Variants in NRG4 observed in about 807,000 individuals in gnomAD.
NRG4 encodes the protein neuregulin 4.
Under a neutral mutation model 15.0 loss-of-function variants are expected in NRG4, and 10 were observed. The observed-to-expected ratio is 0.67, with a 90% CI of 0.41 to 1.13. The LOEUF is 1.13. Ranked by LOEUF, NRG4 falls within the 50% of genes most tolerant of loss-of-function variation. NRG4 has a pLI of 0.00. For missense variants in NRG4, 139 were observed against 140.2 expected (o/e 0.99, Z 0.04); for synonymous variants, 41 against 50.1 (o/e 0.82, Z 0.77).
intron 3 of NRG4, among the ~76,000 whole-genome samples, chr15:75,995,197 CAAAA>C (rs781740800): frequency 1.4e-5 from 2 of 139,880 alleles, no homozygotes; most frequent in African/African-American, 5.2e-5. Context: ...GACCCTGTCT[CAAAA>C]AAAAAAAGAA....
At chr15:76,018,549 TTC>T (rs1436321147) in intron 5 of NRG4, among the ~76,000 whole-genome samples, 2 of 152,168 alleles carry the variant, frequency 1.3e-5, no homozygotes, top group African/African-American at 4.8e-5. Context: ...TGCGATTCCT[TTC>T]TGTTTGTTAA....
At chr15:76,019,816 C>T (rs1425843256) in intron 5 of NRG4, among the ~76,000 whole-genome samples, 3 of 152,160 alleles carry the variant, frequency 2.0e-5, no homozygotes, top group Admixed American at 2.0e-4. Context: ...CCCATTATTA[C>T]ATATTATCTC....
At chr15:75,954,078 T>C (rs1012194017) in intron 5 of NRG4, among the ~76,000 whole-genome samples, 2 of 152,190 alleles carry the variant, frequency 1.3e-5, no homozygotes, top group Admixed American at 1.3e-4. Flanking sequence ...TCCTCTCTCT[T>C]ATCTCCTTCA....
intron 4 of NRG4, among the ~76,000 whole-genome samples, chr15:76,040,967 T>C (rs1272299792): frequency 6.6e-6 from 1 of 152,122 alleles, no homozygotes; most frequent in African/African-American, 2.4e-5. Context: ...TTTCAAAACA[T>C]AGACAGAACT....
chr15:76,003,247 G>A (rs1285845295), intron 3 of NRG4, among the ~76,000 whole-genome samples: 1 of 152,042 alleles, frequency 6.6e-6, no homozygotes, highest in African/African-American at 2.4e-5. Context: ...AAGGATATTA[G>A]TAAACATTTG....
chr15:75,936,765 G>C (rs960011216), downstream of NRG4: 2 of 151,662 alleles, frequency 1.3e-5, no homozygotes, highest in Non-Finnish European at 2.9e-5. Flanking sequence ...GTAGAGATGG[G>C]GTTTCTCTGT....
chr15:75,971,350 C>A (rs1201541514), intron 3 of NRG4: 4 of 315,976 alleles, frequency 1.3e-5, no homozygotes, highest in Non-Finnish European at 2.5e-5. Flanking sequence ...GACAGAGACT[C>A]TGGTTATACT....
At chr15:75,956,722 C>A (rs2032260927) in intron 4 of NRG4, among the ~76,000 whole-genome samples, 1 of 152,202 alleles carries the variant, frequency 6.6e-6, no homozygotes, top group African/African-American at 2.4e-5. Flanking sequence ...CATTTTGGAC[C>A]TCCTTCAATG....
chr15:75,954,102 A>G (rs1003175780), intron 5 of NRG4, among the ~76,000 whole-genome samples: 4 of 152,056 alleles, frequency 2.6e-5, no homozygotes, highest in Admixed American at 1.3e-4. Flanking sequence ...ACTCAACATT[A>G]TGCCACCTGC....
At chr15:75,943,715 A>G (rs1567065955) in intron 5 of NRG4, 61 bp from the exon 6 acceptor site, 5 of 1,021,064 alleles carry the variant, frequency 4.9e-6, no homozygotes, top group Non-Finnish European at 7.7e-6. Flanking sequence ...TACTACGCAC[A>G]CCTATCTACA....
In NRG4 at chr15:75,942,161, G is replaced by A. The variant is rs1399894099; in HGVS notation, c.*1477C>T. On this transcript the variant is annotated 3_prime_UTR_variant, in exon 6 of 6. Transcript: ENST00000394907. Reference sequence around the variant, plus strand: ...TGGTTGCCAGAGGTTCAGTGGGAGAGAGGGAGGGGTAAATACATGGAGTAG... The same window carrying A: ...TGGTTGCCAGAGGTTCAGTGGGAGAAAGGGAGGGGTAAATACATGGAGTAG... 1 of 152,024 alleles carries A rather than the reference G, an allele frequency of 6.6e-6. No individual in the cohort carries two copies. 9.4% of individuals were successfully genotyped at this position (152,024 alleles called of 1,614,324 possible).
intron 5 of NRG4, among the ~76,000 whole-genome samples, chr15:76,021,389 C>T (rs528093527): frequency 3.3e-4 from 50 of 152,284 alleles, no homozygotes; most frequent in African/African-American, 9.9e-4. Flanking sequence ...AATGCTACTG[C>T]ATACCTAATA....
At chr15:75,990,431 T>A (rs534922128) in intron 3 of NRG4, among the ~76,000 whole-genome samples, 1 of 152,286 alleles carries the variant, frequency 6.6e-6, no homozygotes, top group South Asian at 2.1e-4. Flanking sequence ...ATCTCTAAGC[T>A]TGTTCTCCTT....
intron 5 of NRG4, among the ~76,000 whole-genome samples, chr15:76,019,522 T>C (rs2035086779): frequency 6.6e-6 from 1 of 152,206 alleles, no homozygotes; most frequent in African/African-American, 2.4e-5. Flanking sequence ...CATCTGTGGG[T>C]TGTGAAGACC....
intron 3 of NRG4, among the ~76,000 whole-genome samples, chr15:76,008,945 A>G (rs193169847): frequency 7.9e-5 from 12 of 152,286 alleles, no homozygotes; most frequent in Non-Finnish European, 1.6e-4. Flanking sequence ...AAAAGGGATT[A>G]TTTTTTAAAA....
At chr15:76,037,608 G>A (rs1051290072) in intron 4 of NRG4, among the ~76,000 whole-genome samples, 6 of 152,048 alleles carry the variant, frequency 3.9e-5, no homozygotes, top group Non-Finnish European at 7.4e-5. Flanking sequence ...TAAATAAACC[G>A]TAAAGGCAGT....
At chr15:75,962,903 G>C (rs2032602964) in intron 3 of NRG4, among the ~76,000 whole-genome samples, 1 of 152,150 alleles carries the variant, frequency 6.6e-6, no homozygotes, top group Non-Finnish European at 1.5e-5. Context: ...ACCAGATTTT[G>C]TCAAGAATAA....
chr15:76,060,052 C>T (rs1357192114), upstream of NRG4: 1 of 150,904 alleles, frequency 6.6e-6, no homozygotes, highest in African/African-American at 2.4e-5. Flanking sequence ...GCCAGAGCTT[C>T]CCCTGCCTCA....
At chr15:76,004,018 T>C (rs1185122088) in intron 3 of NRG4, among the ~76,000 whole-genome samples, 2 of 152,230 alleles carry the variant, frequency 1.3e-5, no homozygotes, top group Non-Finnish European at 2.9e-5. Context: ...AAAAATAGTT[T>C]GTAACCCCAT....
Sources: gnomAD v4.1 joint callset for allele counts (sites outside exome capture counted in the v4.1 genomes callset) on GRCh38, gnomAD v4.1.1 for gene constraint, MANE v1.5 for transcripts, NCBI Gene and HGNC (gene_info 2026-07-23, HGNC 2026-07-21) for gene names.